The following STX8 variants were observed in gnomAD, a reference collection of about 807,000 sequenced individuals.
STX8 encodes the protein syntaxin 8, also known as syntaxin-8.
In STX8, 23 loss-of-function variants were observed where a neutral mutation model predicts 37.5. That is an observed-to-expected ratio of 0.61 (90% CI 0.44 to 0.87). The LOEUF (loss-of-function observed/expected upper bound fraction) is 0.87, where lower values mean the gene tolerates loss of function less well. Ranked by LOEUF, STX8 falls within the 40% of genes least tolerant of loss-of-function variation. STX8 has a pLI of 0.00. For missense variants in STX8, 313 were observed against 284.7 expected, an observed-to-expected ratio of 1.10 and a Z score of -0.71; for synonymous variants, 115 against 99.1, an observed-to-expected ratio of 1.16 and a Z score of -0.95.
chr17:9,337,716 G>A lies in STX8; in HGVS notation c.643+40836C>T, dbSNP rs538226864. Among the ~76,000 whole-genome samples, 9 of 152,310 alleles carry A rather than the reference G, an allele frequency of 5.9e-5. No homozygotes were observed. The South Asian group carries it at 6.2e-4, about 11-fold the overall frequency. ...CCAGATACTGCGTCTGTGCTGTTCT[G>A]GAGGACATACCATCCCAAATCAACC... On this transcript the variant is annotated intron_variant, in intron 7 of 7. Transcript: ENST00000306357.
chr17:9,557,174 G>A (rs779414152), intron 3 of STX8: 51 of 351,676 alleles, frequency 1.5e-4, no homozygotes, highest in Middle Eastern at 9.1e-4. Flanking sequence ...CCGCACTGAC[G>A]GAAAACATTA....
chr17:9,251,200 G>A (rs1906562878), intron 7 of STX8, among the ~76,000 whole-genome samples: 1 of 152,040 alleles, frequency 6.6e-6, no homozygotes, highest in Admixed American at 6.6e-5. Flanking sequence ...GACGTTTTTG[G>A]CTGGAGAGCA....
At chr17:9,549,461 TG>T (rs2142578359) in intron 3 of STX8, among the ~76,000 whole-genome samples, 1 of 152,334 alleles carries the variant, frequency 6.6e-6, no homozygotes, top group Non-Finnish European at 1.5e-5. Context: ...CTAAGTCACT[TG>T]CCTGGGTTAA....
At chr17:9,288,307 G>A (rs1480803709) in intron 7 of STX8, among the ~76,000 whole-genome samples, 2 of 151,836 alleles carry the variant, frequency 1.3e-5, no homozygotes, top group Non-Finnish European at 2.9e-5. Context: ...TATGAAATTA[G>A]AACAGAATAA....
At chr17:9,309,969 T>C (rs1172463412) in intron 7 of STX8, among the ~76,000 whole-genome samples, 1 of 152,130 alleles carries the variant, frequency 6.6e-6, no homozygotes, top group Admixed American at 6.5e-5. Context: ...GTATTTCCTA[T>C]AGCAAATATT....
At chr17:9,512,236 A>C (rs1905038970) in intron 4 of STX8, among the ~76,000 whole-genome samples, 1 of 152,174 alleles carries the variant, frequency 6.6e-6, no homozygotes, top group South Asian at 2.1e-4. Context: ...CAATAGAAAA[A>C]AATCTTAAAA....
intron 4 of STX8, among the ~76,000 whole-genome samples, chr17:9,516,387 C>T (rs1050429856): frequency 7.7e-6 from 1 of 130,478 alleles, no homozygotes; most frequent in African/African-American, 2.8e-5. Flanking sequence ...ATAAAAGTGA[C>T]AATATGGGCA....
intron 5 of STX8, among the ~76,000 whole-genome samples, chr17:9,496,171 G>A (rs989271688): frequency 2.6e-5 from 4 of 151,014 alleles, no homozygotes; most frequent in Non-Finnish European, 5.9e-5. Context: ...CACCTTCCAA[G>A]TTCAAGCAAT....
At chr17:9,267,542 G>A (rs373118728) in intron 7 of STX8, among the ~76,000 whole-genome samples, 2 of 152,140 alleles carry the variant, frequency 1.3e-5, no homozygotes, top group South Asian at 2.1e-4. Context: ...TCCTGCCATC[G>A]GGCGCAACTA....
intron 7 of STX8, among the ~76,000 whole-genome samples, chr17:9,286,151 G>A (rs1382573462): frequency 1.3e-5 from 2 of 152,168 alleles, no homozygotes; most frequent in African/African-American, 4.8e-5. Context: ...AAGCACCTCA[G>A]CAGTTCAGCT....
At chr17:9,319,659 A>G (rs1262824225) in intron 7 of STX8, among the ~76,000 whole-genome samples, 1 of 152,014 alleles carries the variant, frequency 6.6e-6, no homozygotes, top group African/African-American at 2.4e-5. Flanking sequence ...ATTTCAAAAT[A>G]AAATGAAAGC....
intron 7 of STX8, among the ~76,000 whole-genome samples, chr17:9,330,510 C>T (rs1274657940): frequency 6.6e-6 from 1 of 152,200 alleles, no homozygotes; most frequent in African/African-American, 2.4e-5. Context: ...ATGAACAGGG[C>T]TCTGGGGAAC....
At chr17:9,556,838 G>A (rs1386764280) in intron 3 of STX8, 1 of 145,506 alleles carries the variant, frequency 6.9e-6, no homozygotes, top group Non-Finnish European at 1.5e-5. Flanking sequence ...CTTGGTAGGA[G>A]GTTAAGATGA....
intron 7 of STX8, among the ~76,000 whole-genome samples, chr17:9,308,350 A>C (rs1909072371): frequency 6.6e-6 from 1 of 152,180 alleles, no homozygotes; most frequent in Non-Finnish European, 1.5e-5. Context: ...CAGCTCCTAC[A>C]CAGAAAGGCA....
chr17:9,375,735 C>A (rs1911558132), intron 7 of STX8, among the ~76,000 whole-genome samples: 1 of 152,160 alleles, frequency 6.6e-6, no homozygotes, highest in South Asian at 2.1e-4. Context: ...TACATATATA[C>A]CCACATACAC....
chr17:9,403,250 T>C (rs1343096665), intron 6 of STX8, among the ~76,000 whole-genome samples: 1 of 152,196 alleles, frequency 6.6e-6, no homozygotes, highest in Non-Finnish European at 1.5e-5. Flanking sequence ...TATGGGGGAC[T>C]GGTGGTGAAA....
intron 7 of STX8, among the ~76,000 whole-genome samples, chr17:9,322,815 A>T (rs370634644): frequency 0.058 from 647 of 11,128 alleles, 3 homozygotes; most frequent in Middle Eastern, 0.25. Context: ...TGCATTTGCT[A>T]AAAAAAAAAA....
rs1906579386 is a variant in STX8, at chr17:9,251,590, A to G, written c.644-945T>C. Among the ~76,000 whole-genome samples, 3 of 152,230 alleles carry G rather than the reference A, an allele frequency of 2.0e-5. 1 individual carries two copies. The South Asian group carries it at 6.2e-4, about 32-fold the overall frequency. On this transcript the variant is annotated intron_variant, in intron 7 of 7. Transcript: ENST00000306357. ...CCATGAAAATGCTTCAGAAAGTAACAGGGAGAGCCACGTGTGCAGGGTCAC... is the reference window on the plus strand; with the variant it reads ...CCATGAAAATGCTTCAGAAAGTAACGGGGAGAGCCACGTGTGCAGGGTCAC...
At chr17:9,514,279 A>G (rs1475415413) in intron 4 of STX8, among the ~76,000 whole-genome samples, 1 of 152,184 alleles carries the variant, frequency 6.6e-6, no homozygotes, top group East Asian at 1.9e-4. Flanking sequence ...TATGTACCCC[A>G]TAAATATGTA....
Sources: allele counts gnomAD v4.1 joint callset (sites outside exome capture counted in the v4.1 genomes callset), GRCh38; gene constraint gnomAD v4.1.1; transcripts MANE v1.5; gene names NCBI Gene and HGNC (gene_info 2026-07-23, HGNC 2026-07-21).